The following DDAH1 variants were observed in gnomAD, a reference collection of about 807,000 sequenced individuals.
DDAH1 encodes dimethylarginine dimethylaminohydrolase 1.
In DDAH1, 19 loss-of-function variants were observed where a neutral mutation model predicts 28.8. That is an observed-to-expected ratio of 0.66 (90% CI 0.46 to 0.97). The LOEUF (loss-of-function observed/expected upper bound fraction) is 0.97. DDAH1 is among the 50% of genes least tolerant of loss of function. DDAH1 has a pLI of 0.00. For missense variants in DDAH1, 326 were observed against 375.9 expected (o/e 0.87, Z 1.10); for synonymous variants, 153 against 154.4 (o/e 0.99, Z 0.07).
chr1:85,391,411 G>A (rs909217571), intron 1 of DDAH1, among the ~76,000 whole-genome samples: 3 of 152,182 alleles, frequency 2.0e-5, no homozygotes, highest in African/African-American at 4.8e-5. Flanking sequence ...AGGCTGCAGT[G>A]AGTTACGATT....
chr1:85,469,725 G>A (rs1351516244), upstream of DDAH1, among the ~76,000 whole-genome samples: 6 of 152,106 alleles, frequency 3.9e-5, no homozygotes, highest in Admixed American at 3.9e-4. Flanking sequence ...TCACCCACAA[G>A]TGTAATCATA....
At chr1:85,437,904 A>G (rs981878663) in intron 1 of DDAH1, among the ~76,000 whole-genome samples, 3 of 152,342 alleles carry the variant, frequency 2.0e-5, no homozygotes, top group Admixed American at 2.0e-4. Context: ...ACTTCTCACA[A>G]TAGCAAAGAC....
At chr1:85,530,599 C>T (rs1524000) in intron 1 of DDAH1, among the ~76,000 whole-genome samples, 1,676 of 149,782 alleles carry the variant, frequency 0.011, 31 homozygotes, top group African/African-American at 0.04. Context: ...GTCAGTTCTT[C>T]GTAAAGTGCA....
At chr1:85,346,834 C>T (rs1167835292) in intron 4 of DDAH1, among the ~76,000 whole-genome samples, 8 of 152,124 alleles carry the variant, frequency 5.3e-5, no homozygotes, top group Non-Finnish European at 2.9e-5. Context: ...AGGCAACCTA[C>T]AGAATGGGAG....
chr1:85,324,725 G>A lies in DDAH1; in HGVS notation c.741+15C>T, dbSNP rs1485667921. 6.2e-7 allele frequency: 1 copy of A among 1,613,970 alleles called. No homozygotes were observed. Among genetic ancestry groups the A allele is most frequent in the Non-Finnish European group, 8.5e-7 (1 of 1,179,992 alleles). On this transcript the variant is annotated intron_variant, in intron 5 of 5. Coordinates refer to ENST00000284031, the MANE Select transcript of DDAH1 (RefSeq NM_012137.4). The stretch of plus-strand genomic sequence containing the variant: ...GCTGACCCAGCTGCAGTGGTCAGAA[G>A]GGATATTTTTTTACCTTTGCACTTT...
chr1:85,431,967 T>C (rs1314882474), intron 1 of DDAH1, among the ~76,000 whole-genome samples: 1 of 152,138 alleles, frequency 6.6e-6, no homozygotes, highest in Non-Finnish European at 1.5e-5. Context: ...ATGAGTACAA[T>C]CTAATGTTAA....
In DDAH1 at chr1:85,549,817, A is replaced by G. The variant is rs966418551; in HGVS notation, c.-123+28167T>C. Among the ~76,000 whole-genome samples the G allele has an allele frequency of 3.9e-5, 6 of 152,316 alleles. No individual in the cohort carries two copies. The East Asian group carries it at 5.8e-4, about 15-fold the overall frequency. ...ATCATATAAATTAAATTTCAGTAGA[A>G]TGAGTTTATTCTTCCCACCTTGGAA... On this transcript the variant is annotated intron_variant, in intron 1 of 6. Transcript: ENST00000426972.
intron 1 of DDAH1, among the ~76,000 whole-genome samples, chr1:85,372,706 G>A (rs1248369071): frequency 6.6e-6 from 1 of 151,960 alleles, no homozygotes; most frequent in African/African-American, 2.4e-5. Context: ...CTTCATATCT[G>A]GTTTTGAGTA....
intron 1 of DDAH1, among the ~76,000 whole-genome samples, chr1:85,540,960 TAAAA>T (rs140965112): frequency 1.9e-5 from 2 of 106,670 alleles, no homozygotes; most frequent in Non-Finnish European, 3.7e-5. Flanking sequence ...ACTCAGTATC[TAAAA>T]AAAAAAAAAA....
chr1:85,538,430 C>G (rs1483527011), intron 1 of DDAH1, among the ~76,000 whole-genome samples: 5 of 152,174 alleles, frequency 3.3e-5, no homozygotes, highest in Non-Finnish European at 4.4e-5. Flanking sequence ...AGATCCTAAA[C>G]CATATGGTAT....
chr1:85,342,718 G>T (rs1489642439), intron 4 of DDAH1, among the ~76,000 whole-genome samples: 1 of 152,104 alleles, frequency 6.6e-6, no homozygotes, highest in Non-Finnish European at 1.5e-5. Flanking sequence ...TGACAAAAAC[G>T]TTGGCTTCTT....
intron 1 of DDAH1, among the ~76,000 whole-genome samples, chr1:85,463,494 A>G (rs1327124903): frequency 2.0e-5 from 3 of 152,228 alleles, no homozygotes; most frequent in African/African-American, 7.2e-5. Context: ...CACAGACTCA[A>G]AGATGGAGAG....
chr1:85,467,384 TAGC>T (rs1655425463), upstream of DDAH1: 1 of 152,228 alleles, frequency 6.6e-6, no homozygotes, highest in South Asian at 2.1e-4. Context: ...CATGTCAGTC[TAGC>T]AGCCAATTAA....
intron 1 of DDAH1, among the ~76,000 whole-genome samples, chr1:85,528,494 ACT>A (rs1287400383): frequency 5.3e-5 from 8 of 150,384 alleles, no homozygotes; most frequent in Non-Finnish European, 1.0e-4. Flanking sequence ...TAATAAAAGG[ACT>A]CTATATTTTA....
chr1:85,425,053 T>C (rs915845572), intron 1 of DDAH1, among the ~76,000 whole-genome samples: 2 of 152,128 alleles, frequency 1.3e-5, no homozygotes, highest in East Asian at 3.8e-4. Context: ...GTTTCAATTA[T>C]TGAGATCATA....
rs756720826 is a variant in DDAH1 at position 85,321,582 on chromosome 1, C to G, written c.742-14G>C. 6.4e-7 allele frequency: 1 copy of G among 1,569,600 alleles called. No individual in the cohort carries two copies. ...TTTCTCATAAACCTACAGTGGGAAT[C>G]AAGGAAAAGGAAGAAAAGAAGGATT... On this transcript the variant is annotated splice_polypyrimidine_tract_variant and intron_variant, in intron 5 of 5. Transcript: ENST00000284031.
Position 85,322,531 on chromosome 1 carries a change from T to C in DDAH1, c.742-963A>G, listed in dbSNP as rs531384630. 1.2e-4 allele frequency among the ~76,000 whole-genome samples: 18 copies of C among 152,338 alleles called. No individual in the cohort carries two copies. In the South Asian group the frequency reaches 3.7e-3, roughly 32 times the overall value. Reference sequence around the variant, plus strand: ...TAGGAAGCACTGCGTTTCTTAAAATTCAGCACAGTGGTTAATTAAGAGTGT... The same window carrying C: ...TAGGAAGCACTGCGTTTCTTAAAATCCAGCACAGTGGTTAATTAAGAGTGT... On this transcript the variant is annotated intron_variant, in intron 5 of 5. Coordinates refer to ENST00000284031, the MANE Select transcript of DDAH1 (RefSeq NM_012137.4).
intron 1 of DDAH1, among the ~76,000 whole-genome samples, chr1:85,532,028 C>T (rs529744021): frequency 9.1e-4 from 138 of 151,992 alleles, no homozygotes; most frequent in Non-Finnish European, 1.6e-3. Flanking sequence ...CCTATTACCA[C>T]AGCTAACAAT....
intron 1 of DDAH1, among the ~76,000 whole-genome samples, chr1:85,541,288 A>C (rs976166508): frequency 5.9e-5 from 9 of 152,220 alleles, no homozygotes; most frequent in South Asian, 2.1e-4. Flanking sequence ...TAGGCTAAGC[A>C]CACCTTGCTT....
Sources: allele counts gnomAD v4.1 joint callset (sites outside exome capture counted in the v4.1 genomes callset), GRCh38; gene constraint gnomAD v4.1.1; transcripts MANE v1.5; gene names NCBI Gene and HGNC (gene_info 2026-07-23, HGNC 2026-07-21).